MYH14: variants seen among roughly 807,000 people sequenced by gnomAD.
MYH14 encodes the protein myosin heavy chain 14.
Under a neutral mutation model 255.5 loss-of-function variants are expected in MYH14, and 123 were observed. The ratio of observed to expected loss-of-function variants is 0.48; its 90% CI spans 0.42 to 0.56. MYH14 has a LOEUF of 0.56. Ranked by LOEUF, MYH14 falls within the 20% of genes least tolerant of loss-of-function variation. MYH14 has a pLI of 0.00. For synonymous variants in MYH14, 1,095 were observed against 1,161.2 expected, an observed-to-expected ratio of 0.94 and a Z score of 1.16; for missense variants, 2,423 against 2,802.3, an observed-to-expected ratio of 0.86 and a Z score of 3.06.
intron 11 of MYH14, 114 bp from the exon 12 acceptor site, chr19:50,246,890 G>C: frequency 1.4e-6 from 1 of 695,622 alleles, no homozygotes; most frequent in South Asian, 1.8e-5. Context: ...TCCTGGGAAA[G>C]GCGGGGCCCG....
chr19:50,237,719 C>A (rs975797678), intron 10 of MYH14, among the ~76,000 whole-genome samples: 6 of 152,220 alleles, frequency 3.9e-5, no homozygotes, highest in African/African-American at 1.2e-4. Flanking sequence ...CCTGGAGCAC[C>A]TGTGTCCCCA....
At chr19:50,222,290 C>T (rs1056549184) in intron 3 of MYH14, among the ~76,000 whole-genome samples, 2 of 151,936 alleles carry the variant, frequency 1.3e-5, no homozygotes, top group Non-Finnish European at 2.9e-5. Context: ...ACCATCCTGG[C>T]TAACACAGTG....
At chr19:50,244,203 G>A (rs867816279) in intron 10 of MYH14, 39 bp from the exon 11 acceptor site, 2 of 1,585,908 alleles carry the variant, frequency 1.3e-6, no homozygotes, top group East Asian at 2.2e-5. Context: ...ACACATCGGG[G>A]TCCAGAGCCA....
intron 7 of MYH14, 68 bp from the exon 8 acceptor site, chr19:50,226,835 G>T: frequency 1.3e-6 from 2 of 1,485,404 alleles, no homozygotes; most frequent in Non-Finnish European, 1.9e-6. Flanking sequence ...TGGGGTTTGG[G>T]CTGTTGTTCA....
In MYH14 at chr19:50,272,719, C is replaced by T. The variant is rs771114040; in HGVS notation, c.3455C>T (p.Ala1152Val). ...QLGRKEEELQAALARAEDEGG... is the reference protein window; with the variant it reads ...QLGRKEEELQVALARAEDEGG... ...GGCCGGAAGGAGGAGGAGCTGCAGG[C>T]TGCCCTGGCCAGGTGCAGGGTGGGG... The change falls in exon 27 of 43, where the codon GCT becomes GTT. Residue 1152 changes from alanine to valine, a missense_variant. Physicochemically the swap from Ala to Val is moderately conservative, Grantham distance 64. Coordinates refer to ENST00000642316, the MANE Select transcript of MYH14 (RefSeq NM_001145809.2). 1 of 1,550,696 alleles carries T rather than the reference C, an allele frequency of 6.4e-7. No homozygotes were observed.
Position 50,252,651 on chromosome 19 carries a change from G to A in MYH14, c.1843G>A (p.Ala615Thr). The A allele has an allele frequency of 6.3e-7, 1 of 1,591,470 alleles. No homozygotes were observed. Among genetic ancestry groups the A allele is most frequent in the East Asian group, 2.3e-5 (1 of 43,642 alleles). ...LHYAGKVDYK[A>T]NEWLMKNMDP... ...TGACTTCATTCAGGTCGACTACAAG[G>A]CCAACGAGTGGCTGATGAAAAACAT... The change falls in exon 16 of 43, where the codon GCC (alanine) becomes ACC (threonine). Residue 615 changes from alanine to threonine, a missense_variant. By Grantham distance (58) the Ala-to-Thr change is moderately conservative. This residue lies in a region of MYH14 where 672 missense variants were observed against 881.8 expected (regional missense o/e 0.76). Transcript: ENST00000642316. This position sits in a 1 kb window ranked among gnomAD's most constrained non-coding sequence, Gnocchi z 4.2.
Position 50,266,960 on chromosome 19 carries a change from G to A in MYH14, c.2778G>A (p.Gln926=), listed in dbSNP as rs1261380486. The A allele has an allele frequency of 2.6e-6, 4 of 1,565,726 alleles. No individual in the cohort carries two copies. Among genetic ancestry groups the A allele is most frequent in the Non-Finnish European group, 8.7e-7 (1 of 1,155,180 alleles). The part of the protein sequence containing the change: ...AQELQKVQEL[Q]QQSAREVGEL... ...AGCTGCAGAAAGTGCAGGAGCTACA[G>A]CAGCAGAGCGCCCGCGAAGTTGGGG... is the stretch of plus-strand genomic sequence containing the variant. Residue 926 remains glutamine, a synonymous_variant, in exon 23 of 43, where the codon CAG becomes CAA. Transcript: ENST00000642316. The surrounding 1 kb of genome is among the most constrained non-coding windows in gnomAD (Gnocchi z 4.1).
chr19:50,258,153 C>T (rs2034661733), intron 18 of MYH14, among the ~76,000 whole-genome samples: 1 of 151,984 alleles, frequency 6.6e-6, no homozygotes. Context: ...TGCTCTCGAA[C>T]TCCTGAGCTC....
intron 10 of MYH14, among the ~76,000 whole-genome samples, chr19:50,233,168 C>T (rs1265501144): frequency 1.3e-5 from 2 of 151,842 alleles, no homozygotes; most frequent in East Asian, 3.9e-4. Context: ...TGTGCCCACC[C>T]CCACTTTTTT....
intron 36 of MYH14, 36 bp downstream of exon 36, chr19:50,291,084 T>A: frequency 6.2e-7 from 1 of 1,603,982 alleles, no homozygotes; most frequent in Non-Finnish European, 8.5e-7. Flanking sequence ...AGGGGAGGCT[T>A]TGGTGTCTTC....
intron 22 of MYH14, among the ~76,000 whole-genome samples, chr19:50,265,548 C>T (rs537860000): frequency 6.6e-6 from 1 of 151,782 alleles, no homozygotes; most frequent in African/African-American, 2.4e-5. Flanking sequence ...TGGCCAGGCA[C>T]GGAGGCGTAT....
rs2035530358 is a variant in MYH14 at position 50,276,910 on chromosome 19, G to A, written c.3825+9G>A. On this transcript the variant is annotated intron_variant, in intron 29 of 42. Transcript: ENST00000642316. This position sits in a 1 kb window ranked among gnomAD's most constrained non-coding sequence, Gnocchi z 4.3. ...TGGAGCAGGCCCGGAGGGTGGGTTG[G>A]GGCAGGGGGACAGGGCAGGGGGGCC... 1 of 1,601,584 alleles carries A rather than the reference G, an allele frequency of 6.2e-7. No homozygotes were observed. The highest frequency in any genetic ancestry group is 8.5e-7 in the Non-Finnish European group (1 of 1,174,482).
chr19:50,272,845 C>A, intron 27 of MYH14, 114 bp downstream of exon 27: 2 of 1,064,128 alleles, frequency 1.9e-6, no homozygotes, highest in Non-Finnish European at 2.7e-6. Flanking sequence ...CACTCACCAG[C>A]CACAGACAGG....
rs771246753 is a variant in MYH14 at position 50,293,619 on chromosome 19, G to A, written c.5401G>A (p.Glu1801Lys). Residue 1801 changes from glutamate to lysine, a missense_variant, in exon 39 of 43, where the codon GAA becomes AAA. Transcript: ENST00000642316. This position sits in a 1 kb window ranked among gnomAD's most constrained non-coding sequence, Gnocchi z 4.1. Reference protein sequence around the residue: ...QLEGRLGQLEEELEEEQSNSE... With the variant: ...QLEGRLGQLEKELEEEQSNSE... ...GGAGGGGCGCCTGGGGCAGTTGGAG[G>A]AAGAGCTGGAGGAGGAGCAGAGCAA... The A allele has an allele frequency of 6.8e-6, 11 of 1,612,920 alleles. No individual in the cohort carries two copies. Among genetic ancestry groups the A allele is most frequent in the Non-Finnish European group, 5.9e-6 (7 of 1,179,434 alleles).
chr19:50,264,656 A>T (rs1315573869), intron 22 of MYH14, among the ~76,000 whole-genome samples: 1 of 152,132 alleles, frequency 6.6e-6, no homozygotes, highest in African/African-American at 2.4e-5. Flanking sequence ...GGCTTTCCAC[A>T]CAGGGGCCAC....
Position 50,210,776 on chromosome 19 carries a change from TG to T in MYH14, c.405+9del, listed in dbSNP as rs756148369. 29 of 1,561,814 alleles carry T rather than the reference TG, an allele frequency of 1.9e-5. No homozygotes were observed. Among genetic ancestry groups the T allele is most frequent in the Non-Finnish European group, 2.4e-5 (28 of 1,155,952 alleles). ...ACTACTCCGGCCTCATCTACGTGAG[TG>T]GGCTCCTGCTGGGGGGCGCGTGCGG... On this transcript the variant is annotated splice_region_variant and intron_variant, in intron 2 of 42. Coordinates refer to ENST00000642316, the MANE Select transcript of MYH14 (RefSeq NM_001145809.2).
chr19:50,270,521 CA>C (rs200748159), intron 24 of MYH14, among the ~76,000 whole-genome samples: 8,361 of 52,832 alleles, frequency 0.16, 202 homozygotes, highest in East Asian at 0.3. Context: ...AACTCCGTCT[CA>C]AAAAAAAAAA....
chr19:50,258,004 G>C (rs1349313101), intron 18 of MYH14, among the ~76,000 whole-genome samples: 2 of 152,158 alleles, frequency 1.3e-5, no homozygotes, highest in African/African-American at 4.8e-5. Flanking sequence ...CATCAGGGCT[G>C]GGCTTGTTGC....
At chr19:50,282,997 CAT>C (rs1358619342) in intron 33 of MYH14, among the ~76,000 whole-genome samples, 1 of 152,038 alleles carries the variant, frequency 6.6e-6, no homozygotes, top group Non-Finnish European at 1.5e-5. Context: ...ACTCCAAATA[CAT>C]ATGATTTGAT....
Sources: allele counts gnomAD v4.1 joint callset (sites outside exome capture counted in the v4.1 genomes callset), GRCh38; gene constraint gnomAD v4.1.1; regional missense constraint gnomAD v4.1.1; non-coding constraint Gnocchi (gnomAD v3.1); transcripts MANE v1.5; gene names NCBI Gene and HGNC (gene_info 2026-07-23, HGNC 2026-07-21).